The following SRCAP variants were observed in gnomAD, a reference collection of about 807,000 sequenced individuals.
SRCAP encodes the protein Snf2 related CREBBP activator protein, also known as chromatin remodeling protein SRCAP.
SRCAP carries 46 observed loss-of-function variants against 263.1 expected under a neutral mutation model. That is an observed-to-expected ratio of 0.17 (90% confidence interval 0.14 to 0.22). The LOEUF (loss-of-function observed/expected upper bound fraction) is 0.22, where lower values mean the gene tolerates loss of function less well. SRCAP is among the 10% of genes least tolerant of loss of function. The pLI, the probability that SRCAP is intolerant of heterozygous loss-of-function variation, is 1.00. For synonymous variants in SRCAP, 1,813 were observed against 1,662.1 expected (o/e 1.09, Z -2.21); for missense variants, 3,695 against 4,181.9 (o/e 0.88, Z 3.21).
At chr16:30,707,389 T>G (rs1456935051) in intron 5 of SRCAP, 21 bp downstream of exon 5, 2 of 1,611,158 alleles carry the variant, frequency 1.2e-6, no homozygotes, top group African/African-American at 2.7e-5. Context: ...CGCTGGGACT[T>G]CCTTCCTTTT....
chr16:30,740,078 T>A lies in SRCAP; in HGVS notation c.*345T>A. On this transcript the variant is annotated 3_prime_UTR_variant, in exon 34 of 34. Coordinates refer to ENST00000262518, the MANE Select transcript of SRCAP (RefSeq NM_006662.3). ...TTCTCTACAATGAGGTTTTTTTCTT[T>A]TTTTTTTTTTTTTAAGAAGAAAAAA... 1 of 180,052 alleles carries A rather than the reference T, an allele frequency of 5.6e-6. No homozygotes were observed. Among genetic ancestry groups the A allele is most frequent in the Non-Finnish European group, 1.1e-5 (1 of 87,464 alleles). The allele number at this position is 180,052 out of a possible 1,614,324, so 11.2% of individuals were successfully genotyped here.
Position 30,727,230 on chromosome 16 carries a change from C to T in SRCAP, c.5659-1736C>T, listed in dbSNP as rs118179212. ...AATTTCCCTGTTGGCTAATGTTGAG[C>T]TTTATTTCATGTGGTTGAAATACCA... On this transcript the variant is annotated intron_variant, in intron 25 of 33. Transcript: ENST00000262518. Among the ~76,000 whole-genome samples, 271 of 152,290 alleles carry T rather than the reference C, an allele frequency of 1.8e-3. 1 individual carries two copies. Among genetic ancestry groups the T allele is most frequent in the Middle Eastern group, 3.4e-3 (1 of 294 alleles).
At chr16:30,732,937 C>T (rs910508116) in intron 27 of SRCAP, among the ~76,000 whole-genome samples, 5 of 152,128 alleles carry the variant, frequency 3.3e-5, no homozygotes, top group African/African-American at 7.2e-5. Context: ...GGTTCAAGCC[C>T]GAGTTCTCAT....
In SRCAP at chr16:30,729,091, GCCCCAACCTGTTGCCAGCCCCATCGGCC is replaced by G; in HGVS notation, c.5786_5813del (p.Pro1929LeufsTer29). On this transcript the variant is annotated frameshift_variant, in exon 26 of 34. Coordinates refer to ENST00000262518, the MANE Select transcript of SRCAP (RefSeq NM_006662.3). LOFTEE classifies it high-confidence loss of function. ...CTGAAGTCCTGGATTTCTGTACCCTGCCCCAACCTGTTGCCAGCCCCATCGGCCCTCGTTCTCCTGGCCCCAGCCACCC... is the reference window on the plus strand; with the variant it reads ...CTGAAGTCCTGGATTTCTGTACCCTGCTCGTTCTCCTGGCCCCAGCCACCC... The G allele has an allele frequency of 6.2e-7, 1 of 1,614,056 alleles. No individual in the cohort carries two copies. The highest frequency in any genetic ancestry group is 8.5e-7 in the Non-Finnish European group (1 of 1,180,042).
intron 1 of SRCAP, 53 bp from the exon 2 acceptor site, chr16:30,699,855 T>C (rs1596636360): frequency 6.6e-6 from 1 of 152,232 alleles, no homozygotes; most frequent in Non-Finnish European, 1.5e-5. Context: ...TTTGGGTATA[T>C]TTAAACGTCT....
rs1405267290 is a variant in SRCAP, at chr16:30,721,303, G to A, written c.3368G>A (p.Gly1123Asp). The A allele has an allele frequency of 1.9e-6, 3 of 1,614,130 alleles. No homozygotes were observed. Among genetic ancestry groups the A allele is most frequent in the Non-Finnish European group, 2.5e-6 (3 of 1,180,030 alleles). ...PVRLSPAPPPGSSSLLKPLTV... is the reference protein window; with the variant it reads ...PVRLSPAPPPDSSSLLKPLTV... ...CGCCTGAGCCCAGCCCCACCTCCAG[G>A]CTCCTCTAGCCTGTTGAAGCCCCTG... is the stretch of plus-strand genomic sequence containing the variant. The change falls in exon 21 of 34, where the codon GGC (glycine) becomes GAC (aspartate). Residue 1123 changes from glycine (G) to aspartate (D), a missense_variant. Gly to Asp is a moderately conservative substitution (Grantham distance 94). Around this residue, in one of 12 missense-constraint regions of SRCAP, gnomAD observed 1,347 missense variants for 1,304.4 expected, o/e 1.03. Coordinates refer to ENST00000262518, the MANE Select transcript of SRCAP (RefSeq NM_006662.3).
Position 30,729,029 on chromosome 16 carries a change from A to G in SRCAP, c.5722A>G (p.Ser1908Gly). The change falls in exon 26 of 34, where the codon AGT becomes GGT. Residue 1908 changes from serine to glycine, a missense_variant. Physicochemically the swap from Ser to Gly is moderately conservative, Grantham distance 56 (BLOSUM62 0). This residue lies in a region of SRCAP where 1,347 missense variants were observed against 1,304.4 expected (regional missense o/e 1.03). Coordinates refer to ENST00000262518, the MANE Select transcript of SRCAP (RefSeq NM_006662.3). ...SERLERIFQL[S>G]EAHGALAPVY... ...ACGCCTGGAACGGATTTTCCAACTT[A>G]GTGAGGCTCATGGGGCCCTGGCACC... is the stretch of plus-strand genomic sequence containing the variant. 6.2e-7 allele frequency: 1 copy of G among 1,614,140 alleles called. No individual in the cohort carries two copies. Among genetic ancestry groups the G allele is most frequent in the Non-Finnish European group, 8.5e-7 (1 of 1,180,016 alleles).
intron 27 of SRCAP, among the ~76,000 whole-genome samples, chr16:30,732,331 A>G (rs1596663034): frequency 6.6e-6 from 1 of 151,534 alleles, no homozygotes; most frequent in Non-Finnish European, 1.5e-5. Flanking sequence ...CATGCCTGTA[A>G]TCCCAGCCAC....
chr16:30,710,720 T>G, intron 8 of SRCAP, 34 bp from the exon 9 acceptor site: 1 of 1,609,780 alleles, frequency 6.2e-7, no homozygotes, highest in Middle Eastern at 1.7e-4. Context: ...ACTGTAACCT[T>G]AGACCCTTCC....
chr16:30,708,674 G>A (rs1417091917), intron 6 of SRCAP, among the ~76,000 whole-genome samples: 1 of 152,034 alleles, frequency 6.6e-6, no homozygotes, highest in Non-Finnish European at 1.5e-5. Flanking sequence ...GATTATAGAC[G>A]TGAGCCACCG....
At position 30,722,144 on chromosome 16, in the gene SRCAP, G is replaced by A; in HGVS notation, c.3564G>A (p.Gly1188=). 1 of 1,614,116 alleles carries A rather than the reference G, an allele frequency of 6.2e-7. No homozygotes were observed. The highest frequency in any genetic ancestry group is 8.5e-7 in the Non-Finnish European group (1 of 1,179,980). Residue 1188 remains glycine, a synonymous_variant, in exon 22 of 34, where the codon GGG becomes GGA. Coordinates refer to ENST00000262518, the MANE Select transcript of SRCAP (RefSeq NM_006662.3). ...TAGCAGGCGAAGTGGTCAGCATCGGGCAGTTAGCCTCACTGGCACAACGTC... is the reference window on the plus strand; with the variant it reads ...TAGCAGGCGAAGTGGTCAGCATCGGACAGTTAGCCTCACTGGCACAACGTC... ...RLPSGEVVSI[G]QLASLAQRPV...
At position 30,740,279 on chromosome 16, in the gene SRCAP, G is replaced by C. The variant is rs932747376; in HGVS notation, c.*546G>C. 6.6e-6 allele frequency: 1 copy of C among 152,384 alleles called. No individual in the cohort carries two copies. Among genetic ancestry groups the C allele is most frequent in the African/African-American group, 2.4e-5 (1 of 41,356 alleles). The allele number at this position is 152,384 out of a possible 1,614,324, so 9.4% of individuals were successfully genotyped here. ...ATGTTCCAGGCAGAAATCTACCCAA[G>C]AAGAGGGAAGATTGGTGAATTTGAT... is the stretch of plus-strand genomic sequence containing the variant. On this transcript the variant is annotated 3_prime_UTR_variant, in exon 34 of 34. Coordinates refer to ENST00000262518, the MANE Select transcript of SRCAP (RefSeq NM_006662.3).
intron 16 of SRCAP, among the ~76,000 whole-genome samples, chr16:30,714,796 C>T (rs1379455206): frequency 6.6e-6 from 1 of 152,106 alleles, no homozygotes; most frequent in Non-Finnish European, 1.5e-5. Context: ...TGTGAGCCAC[C>T]GTTCCCAGCC....
Position 30,716,616 on chromosome 16 carries a change from AG to A in SRCAP, c.2817+138del, listed in dbSNP as rs1276592005. ...CATTCCCTTAGTTTTATTGTACTCTAGCCATGTGACTTAACGATGGTTCAAC... is the reference window on the plus strand; with the variant it reads ...CATTCCCTTAGTTTTATTGTACTCTACCATGTGACTTAACGATGGTTCAAC... On this transcript the variant is annotated intron_variant, in intron 18 of 33. Transcript: ENST00000262518. The A allele has an allele frequency of 1.0e-5, 8 of 784,504 alleles. No individual in the cohort carries two copies. The East Asian group carries it at 2.0e-4, about 20-fold the overall frequency. The allele number at this position is 784,504 out of a possible 1,614,324, so 48.6% of individuals were successfully genotyped here.
chr16:30,701,828 C>G (rs575581167), intron 3 of SRCAP, among the ~76,000 whole-genome samples: 3 of 151,726 alleles, frequency 2.0e-5, no homozygotes, highest in Non-Finnish European at 4.4e-5. Flanking sequence ...GGGGTTTCAC[C>G]ATCATGTTGG....
chr16:30,739,822 G>A lies in SRCAP; in HGVS notation c.*89G>A. On this transcript the variant is annotated 3_prime_UTR_variant, in exon 34 of 34. Coordinates refer to ENST00000262518, the MANE Select transcript of SRCAP (RefSeq NM_006662.3). ...TGTTAACCACTACTTGAAGTCTTGA[G>A]GGGGAAAGCCTCCAGGGAGACATAG... 4 of 1,422,964 alleles carry A rather than the reference G, an allele frequency of 2.8e-6. No homozygotes were observed. The highest frequency in any genetic ancestry group is 3.7e-6 in the Non-Finnish European group (4 of 1,085,720). The allele number at this position is 1,422,964 out of a possible 1,614,324, so 88.1% of individuals were successfully genotyped here. A position where few individuals can be genotyped will look rare whatever the true frequency, so the allele number is the denominator to read the frequency against.
chr16:30,724,083 G>T lies in SRCAP; in HGVS notation c.4659G>T (p.Ser1553=), dbSNP rs776230530. 13 of 1,613,380 alleles carry T rather than the reference G, an allele frequency of 8.1e-6. No individual in the cohort carries two copies. Among genetic ancestry groups the T allele is most frequent in the African/African-American group, 2.7e-5 (2 of 74,856 alleles). ...GCTCACCTGTCCTGGTGCCAGCTTC[G>T]GCTCTGGCCAGTCCTTTTCCGTCAG... ...PACSPVLVPA[S]ALASPFPSAP... is the part of the protein sequence containing the mutation. Residue 1553 remains serine (S), a synonymous_variant, in exon 25 of 34, where the codon TCG becomes TCT. Transcript: ENST00000262518.
chr16:30,702,867 G>A (rs566188006), intron 3 of SRCAP, among the ~76,000 whole-genome samples: 69 of 151,418 alleles, frequency 4.6e-4, no homozygotes, highest in African/African-American at 1.5e-3. Flanking sequence ...GCCTCCCAAA[G>A]TCCACCGAGC....
Position 30,729,412 on chromosome 16 carries a change from C to T in SRCAP, c.5967C>T (p.Ser1989=). The change falls in exon 27 of 34, where the codon TCC becomes TCT. Residue 1989 remains serine (S), a synonymous_variant. Transcript: ENST00000262518. ...VMPPVEAPPP[S]LHACHPPPWL... ...CTCCTGTGGAGGCACCTCCCCCTTC[C>T]CTGCATGCCTGCCACCCACCTCCTT... 6.2e-7 allele frequency: 1 copy of T among 1,614,204 alleles called. No homozygotes were observed. The highest frequency in any genetic ancestry group is 8.5e-7 in the Non-Finnish European group (1 of 1,180,032).
Sources: allele counts gnomAD v4.1 joint callset (sites outside exome capture counted in the v4.1 genomes callset), GRCh38; gene constraint gnomAD v4.1.1; regional missense constraint gnomAD v4.1.1; transcripts MANE v1.5; gene names NCBI Gene and HGNC (gene_info 2026-07-23, HGNC 2026-07-21).